The following ASTN2 variants were observed in gnomAD, a reference collection of about 807,000 sequenced individuals.
The protein encoded by ASTN2 is astrotactin 2.
ASTN2 carries 54 observed loss-of-function variants against 139.8 expected under a neutral mutation model. That is an observed-to-expected ratio of 0.39 (90% CI 0.31 to 0.48). The LOEUF (loss-of-function observed/expected upper bound fraction) is 0.48, where lower values mean the gene tolerates loss of function less well. Among genes scored for constraint, ASTN2 ranks in the 20% least tolerant of loss-of-function variants. The pLI is 0.95. For synonymous variants in ASTN2, 756 were observed against 719.5 expected (o/e 1.05, Z -0.81); for missense variants, 1,565 against 1,725.1 (o/e 0.91, Z 1.64).
At chr9:116,453,593 CAAAAAAAAAAA>C (rs386416019) in intron 20 of ASTN2, among the ~76,000 whole-genome samples, 1 of 58,794 alleles carries the variant, frequency 1.7e-5, no homozygotes, top group South Asian at 1.3e-3. Flanking sequence ...GACTCCGTCT[CAAAAAAAAAAA>C]AAAAAAAAAA....
chr9:116,549,492 G>A (rs1044866170), intron 19 of ASTN2, among the ~76,000 whole-genome samples: 2 of 152,194 alleles, frequency 1.3e-5, no homozygotes, highest in African/African-American at 4.8e-5. Flanking sequence ...CCCAGGGCTG[G>A]AGCCTGCGTG....
At chr9:117,360,063 T>C (rs759433299) in intron 1 of ASTN2, among the ~76,000 whole-genome samples, 4 of 152,184 alleles carry the variant, frequency 2.6e-5, no homozygotes, top group African/African-American at 4.8e-5. Context: ...GAAGATCTTA[T>C]TGACTCTGAC....
At chr9:116,749,452 C>A (rs1424014079) in intron 13 of ASTN2, among the ~76,000 whole-genome samples, 1 of 152,182 alleles carries the variant, frequency 6.6e-6, no homozygotes, top group Non-Finnish European at 1.5e-5. Context: ...ATCCTTCCCG[C>A]CCGCCACTGG....
chr9:116,889,220 G>GA (rs1433615396), intron 10 of ASTN2, among the ~76,000 whole-genome samples: 5 of 151,502 alleles, frequency 3.3e-5, no homozygotes, highest in East Asian at 3.9e-4. Flanking sequence ...GGAAGCAAAA[G>GA]AAAAAAAAGA....
intron 3 of ASTN2, among the ~76,000 whole-genome samples, chr9:117,174,744 A>G (rs1241137079): frequency 2.0e-5 from 3 of 152,060 alleles, no homozygotes; most frequent in Non-Finnish European, 4.4e-5. Flanking sequence ...GTAATATCCA[A>G]TCACGGCTTG....
chr9:116,715,674 A>T (rs77932582), intron 16 of ASTN2, among the ~76,000 whole-genome samples: 84 of 152,256 alleles, frequency 5.5e-4, no homozygotes, highest in African/African-American at 1.3e-3. Flanking sequence ...AGCATTTATT[A>T]AAAAAATCTG....
At chr9:116,996,299 A>C (rs1171534741) in intron 7 of ASTN2, among the ~76,000 whole-genome samples, 1 of 152,150 alleles carries the variant, frequency 6.6e-6, no homozygotes, top group Non-Finnish European at 1.5e-5. Context: ...TACATAAACT[A>C]TATACATATG....
At chr9:117,205,781 G>A (rs755957506) in intron 3 of ASTN2, among the ~76,000 whole-genome samples, 9 of 152,140 alleles carry the variant, frequency 5.9e-5, no homozygotes, top group Non-Finnish European at 1.2e-4. Flanking sequence ...CCAGCCCAAA[G>A]CTTTCACCCG....
intron 13 of ASTN2, among the ~76,000 whole-genome samples, chr9:116,764,839 T>C (rs187709514): frequency 2.5e-4 from 38 of 152,318 alleles, no homozygotes; most frequent in Admixed American, 1.2e-3. Flanking sequence ...GTTATTTTAA[T>C]TGGAAGTTGA....
chr9:117,392,710 A>G (rs1168623632), intron 1 of ASTN2, among the ~76,000 whole-genome samples: 2 of 152,248 alleles, frequency 1.3e-5, no homozygotes, highest in African/African-American at 4.8e-5. Context: ...TAGTCTCTTA[A>G]GAGAGTTTAT....
intron 3 of ASTN2, among the ~76,000 whole-genome samples, chr9:117,184,364 C>G (rs144041725): frequency 6.6e-6 from 1 of 152,146 alleles, no homozygotes; most frequent in East Asian, 1.9e-4. Flanking sequence ...TGATGAACAG[C>G]GCCAATCAGG....
intron 19 of ASTN2, among the ~76,000 whole-genome samples, chr9:116,533,123 T>A (rs1286751855): frequency 6.6e-6 from 1 of 152,216 alleles, no homozygotes; most frequent in East Asian, 1.9e-4. Flanking sequence ...TTTGAAGCAA[T>A]TGTGAATGGG....
At position 117,152,018 on chromosome 9, in the gene ASTN2, C is replaced by T. The variant is rs149378363; in HGVS notation, c.1016-10540G>A. On this transcript the variant is annotated intron_variant, in intron 3 of 22. Coordinates refer to ENST00000313400, the MANE Select transcript of ASTN2 (RefSeq NM_001365068.1). The stretch of plus-strand genomic sequence containing the variant: ...TTGAGCCTTCATTATATCTCGAACT[C>T]ATTATGTGACTTTGGGTAAGTTCCT... Among the ~76,000 whole-genome samples, 20 of 152,066 alleles carry T rather than the reference C, an allele frequency of 1.3e-4. No homozygotes were observed. In the East Asian group the frequency reaches 2.3e-3, roughly 18 times the overall value.
chr9:117,321,192 C>T (rs1204655489), intron 1 of ASTN2, among the ~76,000 whole-genome samples: 1 of 152,184 alleles, frequency 6.6e-6, no homozygotes, highest in Non-Finnish European at 1.5e-5. Flanking sequence ...TGTCATACAG[C>T]GGGTGCTTAG....
At chr9:116,565,904 C>T (rs186793965) in intron 19 of ASTN2, among the ~76,000 whole-genome samples, 1 of 152,192 alleles carries the variant, frequency 6.6e-6, no homozygotes, top group African/African-American at 2.4e-5. Flanking sequence ...GAGAGACCTT[C>T]GATTACAAGT....
intron 1 of ASTN2, among the ~76,000 whole-genome samples, chr9:117,344,596 T>A (rs1829159040): frequency 6.6e-6 from 1 of 152,172 alleles, no homozygotes; most frequent in African/African-American, 2.4e-5. Context: ...TGACACAGAA[T>A]CATGGACAAC....
At chr9:117,409,573 T>C (rs1490005561) in intron 1 of ASTN2, among the ~76,000 whole-genome samples, 1 of 152,178 alleles carries the variant, frequency 6.6e-6, no homozygotes, top group Non-Finnish European at 1.5e-5. Context: ...CTCTCAGATC[T>C]TTCAAGACAT....
intron 4 of ASTN2, among the ~76,000 whole-genome samples, chr9:117,097,616 C>T (rs1828872130): frequency 6.6e-6 from 1 of 152,118 alleles, no homozygotes; most frequent in African/African-American, 2.4e-5. Flanking sequence ...AATTAAGTGC[C>T]TGAAAGATGG....
chr9:116,598,116 C>G (rs1177352750), intron 19 of ASTN2, among the ~76,000 whole-genome samples: 2 of 152,124 alleles, frequency 1.3e-5, no homozygotes, highest in Non-Finnish European at 2.9e-5. Flanking sequence ...TGAGTTCTCC[C>G]TGGGGAGGTT....
Sources: allele counts gnomAD v4.1 joint callset (sites outside exome capture counted in the v4.1 genomes callset), GRCh38; gene constraint gnomAD v4.1.1; transcripts MANE v1.5; gene names NCBI Gene and HGNC (gene_info 2026-07-23, HGNC 2026-07-21).